Variants in ADGRG2 observed in about 807,000 individuals in gnomAD.
ADGRG2 encodes the protein adhesion G protein-coupled receptor G2.
In ADGRG2, 26 loss-of-function variants were observed where a neutral mutation model predicts 74.1. The ratio of observed to expected loss-of-function variants is 0.35; its 90% CI spans 0.26 to 0.49. The LOEUF (loss-of-function observed/expected upper bound fraction) is 0.49. Among genes scored for constraint, ADGRG2 ranks in the 20% least tolerant of loss-of-function variants. The probability of loss-of-function intolerance (pLI) is 0.99; values close to 1 mark genes in which losing one functional copy is unlikely to be tolerated. For synonymous variants in ADGRG2, 296 were observed against 295.2 expected (o/e 1.00, Z -0.03); for missense variants, 619 against 763.1 (o/e 0.81, Z 2.22).
At chrX:19,095,954 G>C (rs1026936374) in intron 1 of ADGRG2, among the ~76,000 whole-genome samples, 3 of 111,966 alleles carry the variant, frequency 2.7e-5, no homozygotes, top group Non-Finnish European at 5.6e-5. Flanking sequence ...AGGAGGTTGA[G>C]GCTGCAGTGA....
rs375033872 is a variant in ADGRG2, at chrX:19,027,216, C to T, written c.470+3G>A. ...GTTTCAAATCAAACGGCAGATTACTCACTTTAATTCACTTAGAGACAGGAC... is the reference window on the plus strand; with the variant it reads ...GTTTCAAATCAAACGGCAGATTACTTACTTTAATTCACTTAGAGACAGGAC... On this transcript the variant is annotated splice_donor_region_variant and intron_variant, in intron 11 of 28. Transcript: ENST00000379869. 11 of 1,107,214 alleles carry T rather than the reference C, an allele frequency of 9.9e-6. No homozygotes were observed. The highest frequency in any genetic ancestry group is 1.4e-5 in the Non-Finnish European group (11 of 801,549). The allele number at this position is 1,107,214 out of a possible 1,213,427, so 91.2% of individuals were successfully genotyped here. A position where few individuals can be genotyped will look rare whatever the true frequency, so the allele number is the denominator to read the frequency against.
chrX:19,005,031 C>T (rs2060202055), intron 22 of ADGRG2, 152 bp from the exon 23 acceptor site: 1 of 421,478 alleles, frequency 2.4e-6, no homozygotes, highest in Non-Finnish European at 4.0e-6. Context: ...GATAAGGAAA[C>T]AGAGACAGAC....
intron 1 of ADGRG2, among the ~76,000 whole-genome samples, chrX:19,095,012 A>G (rs370390665): frequency 5.4e-5 from 6 of 112,070 alleles, no homozygotes; most frequent in Non-Finnish European, 3.8e-5. Flanking sequence ...GACAGGTTCA[A>G]CGGTTCCCAT....
At chrX:19,006,172 C>T (rs1208907243) in intron 21 of ADGRG2, 48 bp downstream of exon 21, 1 of 1,111,685 alleles carries the variant, frequency 9.0e-7, no homozygotes, top group East Asian at 3.0e-5. Context: ...TCACACCCTC[C>T]CCAATTAACC....
intron 1 of ADGRG2, among the ~76,000 whole-genome samples, chrX:19,086,894 T>C (rs1224002694): frequency 9.1e-6 from 1 of 109,583 alleles, no homozygotes; most frequent in East Asian, 2.9e-4. Context: ...ACCGACACCA[T>C]GGAAGAAATG....
intron 2 of ADGRG2, among the ~76,000 whole-genome samples, chrX:19,072,816 T>C (rs1043006112): frequency 7.2e-5 from 8 of 111,220 alleles, no homozygotes; most frequent in Admixed American, 2.8e-4. Context: ...TTTGAAATAA[T>C]GTAGCTCCTA....
intron 3 of ADGRG2, among the ~76,000 whole-genome samples, chrX:19,063,178 G>A (rs2061513945): frequency 9.0e-6 from 1 of 111,447 alleles, no homozygotes; most frequent in Non-Finnish European, 1.9e-5. Flanking sequence ...ACGAGAGAGT[G>A]TCATCCCACC....
At chrX:19,049,047 G>A (rs1253164988) in intron 3 of ADGRG2, among the ~76,000 whole-genome samples, 1 of 111,546 alleles carries the variant, frequency 9.0e-6, no homozygotes, top group Non-Finnish European at 1.9e-5. Flanking sequence ...CCCTCACTCA[G>A]CCATCCTGGC....
rs1442723903 is a variant in ADGRG2 at position 19,007,337 on chromosome X, G to A, written c.1587C>T (p.Leu529=). 2 of 1,206,772 alleles carry A rather than the reference G, an allele frequency of 1.7e-6. No individual in the cohort carries two copies. Among genetic ancestry groups the A allele is most frequent in the Non-Finnish European group, 2.2e-6 (2 of 892,096 alleles). The change falls in exon 20 of 29, where the codon CTC becomes CTT. Residue 529 remains leucine (L), a synonymous_variant. Transcript: ENST00000379869. ...ATGATATGACGTAGCTGATCAGAGA[G>A]AGGTTCTCCAGGGAAGGATCCTGGC... ...ALFQDPSLEN[L]SLISYVISSS...
chrX:19,005,820 T>TG (rs1368935861), intron 22 of ADGRG2, among the ~76,000 whole-genome samples, 182 bp downstream of exon 22: 4 of 112,138 alleles, frequency 3.6e-5, no homozygotes, highest in Non-Finnish European at 5.6e-5. Context: ...CCCAAAGTGC[T>TG]GGGATTACAG....
chrX:19,018,935 C>G (rs1601904295), intron 15 of ADGRG2, among the ~76,000 whole-genome samples: 1 of 111,867 alleles, frequency 8.9e-6, no homozygotes, highest in South Asian at 3.7e-4. Flanking sequence ...CTCCGCCTCC[C>G]AGGTTCATGC....
intron 1 of ADGRG2, among the ~76,000 whole-genome samples, chrX:19,117,211 T>C (rs980854109): frequency 9.2e-6 from 1 of 108,992 alleles, no homozygotes; most frequent in African/African-American, 3.3e-5. Flanking sequence ...AGAGAACTGC[T>C]TGAACCTGGG....
chrX:19,058,568 T>C (rs893524680), intron 3 of ADGRG2, among the ~76,000 whole-genome samples: 9 of 112,169 alleles, frequency 8.0e-5, no homozygotes, highest in African/African-American at 2.9e-4. Context: ...TTTATATCTT[T>C]GTTTATCTCT....
Position 19,079,907 on chromosome X carries a change from G to T in ADGRG2, c.-2+2795C>A, listed in dbSNP as rs1344993211. Reference sequence around the variant, plus strand: ...GGGTGTTCTGCTTTTTGTCTGGTTTGGTTTTTGTTTTTTTTTTTTTGAGAC... The same window carrying T: ...GGGTGTTCTGCTTTTTGTCTGGTTTTGTTTTTGTTTTTTTTTTTTTGAGAC... On this transcript the variant is annotated intron_variant, in intron 2 of 28. Transcript: ENST00000379869. Among the ~76,000 whole-genome samples the T allele has an allele frequency of 1.5e-4, 16 of 107,464 alleles. No homozygotes were observed. In the Admixed American group the frequency reaches 1.6e-3, roughly 10 times the overall value. 93.3% of individuals were successfully genotyped at this position (107,464 alleles called of 115,157 possible).
At chrX:19,018,772 A>G (rs189590161) in intron 15 of ADGRG2, among the ~76,000 whole-genome samples, 3 of 112,619 alleles carry the variant, frequency 2.7e-5, no homozygotes, top group Non-Finnish European at 3.7e-5. Context: ...AAAGACAACT[A>G]AAATACTGGG....
intron 3 of ADGRG2, among the ~76,000 whole-genome samples, chrX:19,060,372 C>T (rs928513638): frequency 9.1e-6 from 1 of 110,469 alleles, no homozygotes; most frequent in Non-Finnish European, 1.9e-5. Context: ...AAATTGTTTC[C>T]AATTTCACAT....
At chrX:19,009,848 G>A in intron 17 of ADGRG2, 66 bp from the exon 18 acceptor site, 2 of 921,022 alleles carry the variant, frequency 2.2e-6, no homozygotes, top group Non-Finnish European at 3.0e-6. Flanking sequence ...GTCTCGCTCT[G>A]TTGCCAGGCT....
rs770279940 is a variant in ADGRG2 at position 19,013,087 on chromosome X, C to T, written c.1099+599G>A. ...ATTACACTGTCTGCGAGGGCCCGTG[C>T]GGACCCAAGCCTGGGTCTTCACAGT... On this transcript the variant is annotated intron_variant, in intron 16 of 28. Coordinates refer to ENST00000379869, the MANE Select transcript of ADGRG2 (RefSeq NM_001079858.3). Among the ~76,000 whole-genome samples, 17 of 111,095 alleles carry T rather than the reference C, an allele frequency of 1.5e-4. No homozygotes were observed. In the South Asian group the frequency reaches 5.4e-3, roughly 35 times the overall value.
chrX:19,094,282 T>C (rs2062060617), intron 1 of ADGRG2, among the ~76,000 whole-genome samples: 1 of 110,951 alleles, frequency 9.0e-6, no homozygotes, highest in Non-Finnish European at 1.9e-5. Context: ...ATCCTGGTGA[T>C]GGTTACACTC....
Sources: gnomAD v4.1 joint callset for allele counts (sites outside exome capture counted in the v4.1 genomes callset) on GRCh38, gnomAD v4.1.1 for gene constraint, MANE v1.5 for transcripts, NCBI Gene and HGNC (gene_info 2026-07-23, HGNC 2026-07-21) for gene names.